DCC: variants seen among roughly 807,000 people sequenced by gnomAD.
DCC encodes the protein netrin receptor DCC.
Under a neutral mutation model 172.5 loss-of-function variants are expected in DCC, and 58 were observed. The observed-to-expected ratio is 0.34, with a 90% CI of 0.27 to 0.42. The LOEUF is 0.42. Ranked by LOEUF, DCC falls within the 10% of genes least tolerant of loss-of-function variation. The pLI is 1.00. For missense variants in DCC, 1,740 were observed against 1,791.0 expected, an observed-to-expected ratio of 0.97 and a Z score of 0.51; for synonymous variants, 709 against 644.5, an observed-to-expected ratio of 1.10 and a Z score of -1.52.
chr18:53,218,750 C>T (rs60234723), intron 12 of DCC, among the ~76,000 whole-genome samples: 20,337 of 151,928 alleles, frequency 0.13, 2,169 homozygotes, highest in African/African-American at 0.3. Context: ...TAAAATGTTA[C>T]GTTTTATTAG....
intron 1 of DCC, among the ~76,000 whole-genome samples, chr18:52,590,942 T>G (rs924526778): frequency 6.6e-6 from 1 of 152,254 alleles, no homozygotes; most frequent in Admixed American, 6.5e-5. Flanking sequence ...AGTAGATGAA[T>G]GTCTTCACAT....
chr18:52,876,650 C>T (rs557003004), intron 2 of DCC, among the ~76,000 whole-genome samples: 1 of 152,296 alleles, frequency 6.6e-6, no homozygotes, highest in African/African-American at 2.4e-5. Flanking sequence ...TGGATCAGTG[C>T]TTCTCAAATT....
chr18:52,783,843 G>A (rs935572100), intron 2 of DCC, among the ~76,000 whole-genome samples: 1 of 151,920 alleles, frequency 6.6e-6, no homozygotes, highest in Non-Finnish European at 1.5e-5. Context: ...TATTTATGGG[G>A]TACATATCAT....
At chr18:53,363,559 G>A (rs998632483) in intron 15 of DCC, among the ~76,000 whole-genome samples, 1 of 152,018 alleles carries the variant, frequency 6.6e-6, no homozygotes, top group Non-Finnish European at 1.5e-5. Flanking sequence ...TCTCTCCCGT[G>A]GCCCTCTCTC....
At chr18:52,569,106 T>C (rs1292741770) in intron 1 of DCC, among the ~76,000 whole-genome samples, 3 of 152,204 alleles carry the variant, frequency 2.0e-5, no homozygotes, top group South Asian at 2.1e-4. Flanking sequence ...AGATAGATCA[T>C]AACAGGATTT....
intron 1 of DCC, among the ~76,000 whole-genome samples, chr18:52,724,741 T>C (rs1352814137): frequency 1.3e-5 from 2 of 152,146 alleles, no homozygotes; most frequent in African/African-American, 4.8e-5. Flanking sequence ...TGTCTTTCAT[T>C]CATCATGTCA....
At chr18:52,458,005 G>A (rs1322896286) in intron 1 of DCC, among the ~76,000 whole-genome samples, 1 of 152,166 alleles carries the variant, frequency 6.6e-6, no homozygotes, top group African/African-American at 2.4e-5. Context: ...TGAGAGTGCT[G>A]GAGTCTGATC....
At chr18:53,286,488 A>G (rs770522202) in intron 12 of DCC, among the ~76,000 whole-genome samples, 2 of 152,176 alleles carry the variant, frequency 1.3e-5, no homozygotes. Flanking sequence ...TGTAAGTCCA[A>G]TAAACCTCTT....
intron 1 of DCC, among the ~76,000 whole-genome samples, chr18:52,552,023 T>C (rs2032789279): frequency 6.6e-6 from 1 of 152,056 alleles, no homozygotes; most frequent in South Asian, 2.1e-4. Context: ...TGCCTGGACT[T>C]CTAGATATCA....
chr18:52,758,067 T>G (rs911676073), intron 2 of DCC, among the ~76,000 whole-genome samples: 8 of 152,168 alleles, frequency 5.3e-5, no homozygotes, highest in African/African-American at 1.7e-4. Flanking sequence ...GAAAATCGAT[T>G]TATCCACTTA....
At chr18:52,483,748 A>T (rs572195184) in intron 1 of DCC, among the ~76,000 whole-genome samples, 9 of 152,166 alleles carry the variant, frequency 5.9e-5, no homozygotes, top group Middle Eastern at 3.4e-3. Context: ...CAATCTGGAA[A>T]ACCATGCTTT....
intron 7 of DCC, among the ~76,000 whole-genome samples, chr18:53,095,568 C>G (rs2043073627): frequency 6.6e-6 from 1 of 152,156 alleles, no homozygotes; most frequent in Non-Finnish European, 1.5e-5. Flanking sequence ...CAATGAATTT[C>G]TTGGCTCATG....
At chr18:52,567,663 G>T (rs1338999486) in intron 1 of DCC, among the ~76,000 whole-genome samples, 2 of 152,110 alleles carry the variant, frequency 1.3e-5, no homozygotes, top group African/African-American at 4.8e-5. Context: ...AGATTCTAAA[G>T]CAGGGATGAA....
At chr18:53,169,005 G>GA (rs2054969440) in intron 8 of DCC, among the ~76,000 whole-genome samples, 1 of 152,158 alleles carries the variant, frequency 6.6e-6, no homozygotes, top group Non-Finnish European at 1.5e-5. Flanking sequence ...CAAAATGCTA[G>GA]AAAAAGCTAT....
At chr18:53,332,228 C>T (rs2144850331) in intron 14 of DCC, among the ~76,000 whole-genome samples, 1 of 152,226 alleles carries the variant, frequency 6.6e-6, no homozygotes, top group Admixed American at 6.5e-5. Flanking sequence ...TTCATCGACT[C>T]CTGTTAGACT....
In DCC at chr18:52,994,444, A is replaced by G. The variant is rs117692029; in HGVS notation, c.986-68861A>G. On this transcript the variant is annotated intron_variant, in intron 5 of 28. Transcript: ENST00000442544. ...AGAGAAAAACCCATGCATCAAATAA[A>G]TTGAGGAATTCATTTCATACCAGGC... 6.9e-3 allele frequency among the ~76,000 whole-genome samples: 1,044 copies of G among 152,226 alleles called. 4 individuals are homozygous for G. The highest frequency in any genetic ancestry group is 0.011 in the Non-Finnish European group (716 of 67,986).
intron 12 of DCC, among the ~76,000 whole-genome samples, chr18:53,269,602 C>G (rs1045847239): frequency 3.3e-5 from 5 of 152,110 alleles, no homozygotes; most frequent in African/African-American, 1.2e-4. Flanking sequence ...CTTTCAAGTA[C>G]CTGTTTTGCG....
intron 3 of DCC, among the ~76,000 whole-genome samples, chr18:52,906,852 G>A (rs565088655): frequency 5.6e-5 from 2 of 35,570 alleles, no homozygotes; most frequent in Non-Finnish European, 9.2e-5. Flanking sequence ...ATTTTACAGG[G>A]CTGTTTTTTT....
chr18:52,938,856 C>T (rs575167741), intron 5 of DCC, among the ~76,000 whole-genome samples: 92 of 151,942 alleles, frequency 6.1e-4, no homozygotes, highest in Non-Finnish European at 1.0e-3. Flanking sequence ...TCTGACTTCC[C>T]CCACCTTATC....
Sources: gnomAD v4.1 joint callset for allele counts (sites outside exome capture counted in the v4.1 genomes callset) on GRCh38, gnomAD v4.1.1 for gene constraint, MANE v1.5 for transcripts, NCBI Gene and HGNC (gene_info 2026-07-23, HGNC 2026-07-21) for gene names.